The following OTOGL variants were observed in gnomAD, a reference collection of about 807,000 sequenced individuals.
The protein encoded by OTOGL is otogelin-like protein.
A neutral mutation model predicts 318.5 loss-of-function variants in OTOGL; 285 were observed. The ratio of observed to expected loss-of-function variants is 0.89; its 90% CI spans 0.81 to 0.99. The LOEUF is 0.99. OTOGL is among the 50% of genes least tolerant of loss of function. The pLI is 0.00. For synonymous variants in OTOGL, 987 were observed against 936.5 expected (o/e 1.05, Z -0.99); for missense variants, 2,899 against 2,845.6 (o/e 1.02, Z -0.43).
At chr12:80,359,187 ATTATC>A in intron 52 of OTOGL, among the ~76,000 whole-genome samples, 1 of 152,292 alleles carries the variant, frequency 6.6e-6, no homozygotes, top group South Asian at 2.1e-4. Flanking sequence ...ATTGAAAAAA[ATTATC>A]TTAATATTGA....
intron 44 of OTOGL, among the ~76,000 whole-genome samples, chr12:80,348,308 G>A (rs902531271): frequency 1.3e-5 from 2 of 152,262 alleles, no homozygotes; most frequent in Middle Eastern, 3.4e-3. Context: ...TAAGGTGTAA[G>A]GAGGGGATCC....
At chr12:80,111,869 C>T (rs1292380692) in intron 1 of OTOGL, among the ~76,000 whole-genome samples, 1 of 152,200 alleles carries the variant, frequency 6.6e-6, no homozygotes, top group Non-Finnish European at 1.5e-5. Flanking sequence ...TTGATTCTTT[C>T]TATCCATGAG....
chr12:80,127,602 G>A (rs1298948811), intron 1 of OTOGL, among the ~76,000 whole-genome samples: 3 of 152,252 alleles, frequency 2.0e-5, no homozygotes, highest in Middle Eastern at 3.4e-3. Context: ...GCTAGATTGG[G>A]GAAGTTCTCC....
At chr12:80,288,170 T>C (rs1161860264) in intron 26 of OTOGL, among the ~76,000 whole-genome samples, 1 of 152,208 alleles carries the variant, frequency 6.6e-6, no homozygotes, top group Admixed American at 6.5e-5. Flanking sequence ...CTAGTTTGGC[T>C]GGATATGAAA....
In OTOGL at chr12:80,290,790, AT is replaced by A. The variant is rs1391495428; in HGVS notation, c.2929-6034del. 2.6e-5 allele frequency among the ~76,000 whole-genome samples: 4 copies of A among 152,202 alleles called. No homozygotes were observed. In the East Asian group the frequency reaches 7.7e-4, roughly 29 times the overall value. On this transcript the variant is annotated intron_variant, in intron 26 of 58. Coordinates refer to ENST00000547103, the MANE Select transcript of OTOGL (RefSeq NM_001378609.3). ...CTTTGTTCACATTATTATTTCATTC[AT>A]TTAATAAAACAATTTTAGGGGCCTA...
At chr12:80,250,381 T>A (rs1881430491) in intron 11 of OTOGL, among the ~76,000 whole-genome samples, 1 of 152,192 alleles carries the variant, frequency 6.6e-6, no homozygotes, top group Non-Finnish European at 1.5e-5. Context: ...TAGAATAACA[T>A]AAACAACAAA....
intron 44 of OTOGL, among the ~76,000 whole-genome samples, chr12:80,349,305 A>G (rs1592740820): frequency 6.6e-6 from 1 of 152,318 alleles, no homozygotes; most frequent in Non-Finnish European, 1.5e-5. Flanking sequence ...ATATTAGCTC[A>G]TTTAATTTTC....
chr12:80,326,610 T>G (rs2137863357), intron 35 of OTOGL, among the ~76,000 whole-genome samples: 1 of 152,372 alleles, frequency 6.6e-6, no homozygotes, highest in Admixed American at 6.5e-5. Flanking sequence ...CTGTCAGTGA[T>G]CCAGTAACTT....
chr12:80,202,988 T>C (rs969381158), intron 1 of OTOGL, among the ~76,000 whole-genome samples: 4 of 152,180 alleles, frequency 2.6e-5, no homozygotes, highest in Admixed American at 2.0e-4. Flanking sequence ...TTTATCCCTG[T>C]GATTTACATT....
intron 37 of OTOGL, 149 bp from the exon 38 acceptor site, chr12:80,332,856 G>A: frequency 1.0e-5 from 6 of 598,176 alleles, no homozygotes; most frequent in Admixed American, 3.3e-5. Flanking sequence ...GTAAAATGTC[G>A]ATACTATTAT....
intron 1 of OTOGL, among the ~76,000 whole-genome samples, chr12:80,166,164 G>T (rs1328076917): frequency 6.6e-6 from 1 of 150,804 alleles, no homozygotes; most frequent in Non-Finnish European, 1.5e-5. Flanking sequence ...TAGTATAGTA[G>T]CTTTTCCTTT....
At chr12:80,243,734 G>A (rs113093602) in intron 11 of OTOGL, among the ~76,000 whole-genome samples, 17 of 150,064 alleles carry the variant, frequency 1.1e-4, no homozygotes, top group African/African-American at 4.1e-4. Flanking sequence ...ATGACAAAAT[G>A]TCGAAGCCCT....
At chr12:80,176,956 A>G (rs1225757144) in intron 1 of OTOGL, among the ~76,000 whole-genome samples, 1 of 152,058 alleles carries the variant, frequency 6.6e-6, no homozygotes, top group Non-Finnish European at 1.5e-5. Flanking sequence ...ATGACTAATG[A>G]TGTTAAGCAT....
intron 11 of OTOGL, among the ~76,000 whole-genome samples, chr12:80,249,751 C>T (rs1319204023): frequency 6.6e-6 from 1 of 152,104 alleles, no homozygotes; most frequent in Non-Finnish European, 1.5e-5. Context: ...ATGGCGGGCG[C>T]CCCTCCCCCA....
intron 1 of OTOGL, among the ~76,000 whole-genome samples, chr12:80,167,911 TTTCTTTTCTC>T (rs1489604354): frequency 6.6e-6 from 1 of 151,832 alleles, no homozygotes; most frequent in Non-Finnish European, 1.5e-5. Flanking sequence ...TTTACAAACT[TTTCTTTTCTC>T]TTCTTTTCTT....
At chr12:80,155,206 G>A (rs1460323332) in intron 1 of OTOGL, among the ~76,000 whole-genome samples, 1 of 152,074 alleles carries the variant, frequency 6.6e-6, no homozygotes, top group Non-Finnish European at 1.5e-5. Context: ...CTTTTGCAAT[G>A]ATTTCCTCTC....
At chr12:80,310,159 A>ACCC (rs1886534838) in intron 29 of OTOGL, among the ~76,000 whole-genome samples, 1 of 152,168 alleles carries the variant, frequency 6.6e-6, no homozygotes, top group Non-Finnish European at 1.5e-5. Context: ...GAGGTCATGG[A>ACCC]TGACATTTTT....
At chr12:80,140,447 A>G (rs1452846826) in intron 1 of OTOGL, among the ~76,000 whole-genome samples, 1 of 152,206 alleles carries the variant, frequency 6.6e-6, no homozygotes, top group Non-Finnish European at 1.5e-5. Context: ...AGACAGTCTT[A>G]CCATCCTTAA....
chr12:80,146,915 C>A (rs1010425952), intron 1 of OTOGL, among the ~76,000 whole-genome samples: 4 of 116,582 alleles, frequency 3.4e-5, no homozygotes, highest in Admixed American at 2.4e-4. Flanking sequence ...TCCCTTTTAT[C>A]ATTTTTTATT....
Sources: allele counts gnomAD v4.1 joint callset (sites outside exome capture counted in the v4.1 genomes callset), GRCh38; gene constraint gnomAD v4.1.1; transcripts MANE v1.5; gene names NCBI Gene and HGNC (gene_info 2026-07-23, HGNC 2026-07-21).